SCIN: variants seen among roughly 807,000 people sequenced by gnomAD.
SCIN encodes scinderin.
SCIN carries 91 observed loss-of-function variants against 91.8 expected under a neutral mutation model. The ratio of observed to expected loss-of-function variants is 0.99; its 90% CI spans 0.84 to 1.18. The LOEUF (loss-of-function observed/expected upper bound fraction) is 1.18, where lower values mean the gene tolerates loss of function less well. Among genes scored for constraint, SCIN ranks in the 50% most tolerant of loss-of-function variants. The pLI is 0.00. For synonymous variants in SCIN, 367 were observed against 312.6 expected, an observed-to-expected ratio of 1.17 and a Z score of -1.84; for missense variants, 1,087 against 863.9, an observed-to-expected ratio of 1.26 and a Z score of -3.24.
chr7:12,641,604 A>T (rs1410020100), intron 11 of SCIN, among the ~76,000 whole-genome samples: 1 of 151,998 alleles, frequency 6.6e-6, no homozygotes, highest in South Asian at 2.1e-4. Context: ...ACCGCATTTC[A>T]TCTCACACTC....
intron 9 of SCIN, among the ~76,000 whole-genome samples, chr7:12,631,258 A>G (rs897235082): frequency 6.6e-6 from 1 of 152,178 alleles, no homozygotes; most frequent in African/African-American, 2.4e-5. Flanking sequence ...ATTTCTGGAG[A>G]TACAGTGGTG....
chr7:12,643,330 G>C (rs570493800), intron 11 of SCIN, among the ~76,000 whole-genome samples: 1 of 152,224 alleles, frequency 6.6e-6, no homozygotes, highest in South Asian at 2.1e-4. Flanking sequence ...CTGGGCACAG[G>C]TCTCTTGTCA....
chr7:12,606,317 C>T (rs1186163295), intron 4 of SCIN, among the ~76,000 whole-genome samples: 1 of 152,112 alleles, frequency 6.6e-6, no homozygotes, highest in Non-Finnish European at 1.5e-5. Context: ...ACATATTCCT[C>T]CAGTAATTTT....
chr7:12,612,598 A>G (rs1783216094), intron 4 of SCIN, among the ~76,000 whole-genome samples: 1 of 152,188 alleles, frequency 6.6e-6, no homozygotes, highest in Non-Finnish European at 1.5e-5. Flanking sequence ...CTAGAACACT[A>G]GTGTTGCTCC....
At chr7:12,627,232 A>G (rs1205772509) in intron 8 of SCIN, among the ~76,000 whole-genome samples, 1 of 152,166 alleles carries the variant, frequency 6.6e-6, no homozygotes, top group Non-Finnish European at 1.5e-5. Flanking sequence ...GAGAAGATCC[A>G]TCTTCAGCTG....
intron 3 of SCIN, among the ~76,000 whole-genome samples, chr7:12,602,785 T>C (rs1333598775): frequency 2.6e-5 from 4 of 152,140 alleles, no homozygotes; most frequent in Non-Finnish European, 5.9e-5. Flanking sequence ...AAATCAGTGT[T>C]ATTCTGTTCT....
At chr7:12,595,655 C>T (rs1289720239) in intron 3 of SCIN, 2 of 152,038 alleles carry the variant, frequency 1.3e-5, no homozygotes, top group African/African-American at 4.8e-5. Flanking sequence ...TAATATTCAG[C>T]CATAGCTTCA....
chr7:12,644,362 C>A, intron 12 of SCIN, 47 bp downstream of exon 12: 3 of 1,520,800 alleles, frequency 2.0e-6, no homozygotes, highest in Non-Finnish European at 2.7e-6. Context: ...TATACTGATA[C>A]GATTGCTAAT....
Position 12,635,692 on chromosome 7 carries a change from G to A in SCIN, c.1320-353G>A, listed in dbSNP as rs111318586. On this transcript the variant is annotated intron_variant, in intron 9 of 15. Transcript: ENST00000297029. ...ACATTCAACCTAATAAGTTTGGCTCGTATTTTCATCTCAGATGGATTATTT... is the reference window on the plus strand; with the variant it reads ...ACATTCAACCTAATAAGTTTGGCTCATATTTTCATCTCAGATGGATTATTT... Among the ~76,000 whole-genome samples the A allele has an allele frequency of 1.3e-4, 19 of 144,370 alleles. 1 individual carries two copies. In the South Asian group the frequency reaches 1.6e-3, roughly 12 times the overall value. 94.7% of individuals were successfully genotyped at this position (144,370 alleles called of 152,430 possible).
intron 9 of SCIN, among the ~76,000 whole-genome samples, chr7:12,633,759 CA>C (rs1387710802): frequency 1.1e-4 from 16 of 152,156 alleles, no homozygotes; most frequent in Admixed American, 8.5e-4. Flanking sequence ...GACAAAGAAA[CA>C]ATGCATGATA....
At chr7:12,648,906 G>A (rs10271745) in intron 13 of SCIN, among the ~76,000 whole-genome samples, 9,424 of 152,190 alleles carry the variant, frequency 0.062, 943 homozygotes, top group African/African-American at 0.21. Flanking sequence ...AAGTGGAGGA[G>A]TTAAAGTTTC....
rs531016334 is a variant in SCIN, at chr7:12,607,214, T to C, written c.666+2551T>C. Among the ~76,000 whole-genome samples, 6 of 152,276 alleles carry C rather than the reference T, an allele frequency of 3.9e-5. 1 individual carries two copies. The East Asian group carries it at 1.2e-3, about 29-fold the overall frequency. On this transcript the variant is annotated intron_variant, in intron 4 of 15. Transcript: ENST00000297029. ...GATTCCTCATATGCAAAGTGAAGGG[T>C]TAGACAAAATGGCTTCTCCAGTCCC...
At position 12,604,501 on chromosome 7, in the gene SCIN, CTCTT is replaced by C; in HGVS notation, c.517-7_517-4del. 8 of 1,551,054 alleles carry C rather than the reference CTCTT, an allele frequency of 5.2e-6. No homozygotes were observed. The highest frequency in any genetic ancestry group is 1.2e-5 in the South Asian group (1 of 84,014). ...ATATTCTTAGGGTCAACAGATCTGT[CTCTT>C]TCTTTTAGGAAATTTATCAGTGGTG... is the stretch of plus-strand genomic sequence containing the variant. On this transcript the variant is annotated splice_polypyrimidine_tract_variant and intron_variant, in intron 3 of 15. Coordinates refer to ENST00000297029, the MANE Select transcript of SCIN (RefSeq NM_001112706.3).
At chr7:12,634,207 C>T (rs561923592) in intron 9 of SCIN, among the ~76,000 whole-genome samples, 5 of 151,984 alleles carry the variant, frequency 3.3e-5, no homozygotes, top group African/African-American at 4.8e-5. Context: ...GTAGGTAGGC[C>T]GGGCATGGTG....
At position 12,653,703 on chromosome 7, in the gene SCIN, A is replaced by G. The variant is rs1784125570; in HGVS notation, c.*988A>G. 6.6e-6 allele frequency: 1 copy of G among 152,220 alleles called. No individual in the cohort carries two copies. Among genetic ancestry groups the G allele is most frequent in the African/African-American group, 2.4e-5 (1 of 41,462 alleles). The allele number at this position is 152,220 out of a possible 1,614,324, so 9.4% of individuals were successfully genotyped here. A position where few individuals can be genotyped will look rare whatever the true frequency, so the allele number is the denominator to read the frequency against. On this transcript the variant is annotated 3_prime_UTR_variant, in exon 16 of 16. Coordinates refer to ENST00000297029, the MANE Select transcript of SCIN (RefSeq NM_001112706.3). This position sits in a 1 kb window ranked among gnomAD's most constrained non-coding sequence, Gnocchi z 4.1. ...ACAGGAGATCAAAAAGACAATGCACAGGGGAGTATCCCAGGGAGCAGAGCC... is the reference window on the plus strand; with the variant it reads ...ACAGGAGATCAAAAAGACAATGCACGGGGGAGTATCCCAGGGAGCAGAGCC...
chr7:12,642,156 GT>G (rs1388399469), intron 11 of SCIN, among the ~76,000 whole-genome samples: 2 of 151,768 alleles, frequency 1.3e-5, no homozygotes, highest in Admixed American at 6.6e-5. Flanking sequence ...TTTATTAAAT[GT>G]TTATTACATA....
In SCIN at chr7:12,610,045, G is replaced by C. The variant is rs895022791; in HGVS notation, c.666+5382G>C. Among the ~76,000 whole-genome samples the C allele has an allele frequency of 2.6e-5, 4 of 152,172 alleles. No individual in the cohort carries two copies. The East Asian group carries it at 7.7e-4, about 29-fold the overall frequency. ...AAAGTGTGGGAATAGAATCGTGAGG[G>C]TCCTCAGAGGCCAGAGAGCATGGTC... On this transcript the variant is annotated intron_variant, in intron 4 of 15. Transcript: ENST00000297029.
At chr7:12,572,317 C>T (rs1328458759) in intron 1 of SCIN, among the ~76,000 whole-genome samples, 3 of 152,170 alleles carry the variant, frequency 2.0e-5, no homozygotes, top group African/African-American at 7.2e-5. Flanking sequence ...TGCTGTTATT[C>T]CTATTATAAT....
intron 3 of SCIN, among the ~76,000 whole-genome samples, chr7:12,602,452 G>T (rs994444013): frequency 6.6e-6 from 1 of 152,098 alleles, no homozygotes; most frequent in Admixed American, 6.6e-5. Context: ...GCAGAGAACT[G>T]GTCTGACCAA....
Sources: allele counts gnomAD v4.1 joint callset (sites outside exome capture counted in the v4.1 genomes callset), GRCh38; gene constraint gnomAD v4.1.1; non-coding constraint Gnocchi (gnomAD v3.1); transcripts MANE v1.5; gene names NCBI Gene and HGNC (gene_info 2026-07-23, HGNC 2026-07-21).